KLHDC4: variants seen among roughly 807,000 people sequenced by gnomAD.
KLHDC4 encodes kelch domain-containing protein 4.
KLHDC4 carries 90 observed loss-of-function variants against 62.4 expected under a neutral mutation model. The observed-to-expected ratio is 1.44, with a 90% CI of 1.22 to 1.72. KLHDC4 has a LOEUF of 1.72. Ranked by LOEUF, KLHDC4 falls within the 40% of genes most tolerant of loss-of-function variation. The pLI is 0.00. For missense variants in KLHDC4, 1,025 were observed against 699.7 expected (o/e 1.47, Z -5.25); for synonymous variants, 386 against 284.4 (o/e 1.36, Z -3.59).
At chr16:87,714,865 G>A (rs537342040) in intron 7 of KLHDC4, among the ~76,000 whole-genome samples, 1 of 152,332 alleles carries the variant, frequency 6.6e-6, no homozygotes, top group Admixed American at 6.5e-5. Flanking sequence ...TGGTCTGTGT[G>A]GAAACCACCA....
At position 87,707,859 on chromosome 16, in the gene KLHDC4, G is replaced by A. The variant is rs892932569; in HGVS notation, c.*218C>T. The A allele has an allele frequency of 1.9e-5, 8 of 426,876 alleles. No homozygotes were observed. In the East Asian group the frequency reaches 5.0e-4, roughly 27 times the overall value. 26.4% of individuals were successfully genotyped at this position (426,876 alleles called of 1,614,324 possible). A position where few individuals can be genotyped will look rare whatever the true frequency, so the allele number is the denominator to read the frequency against. The stretch of plus-strand genomic sequence containing the variant: ...TTCACACAACACACAGGCTGCTGAG[G>A]GAATCCACCTGCACTGCACTCAGTT... On this transcript the variant is annotated 3_prime_UTR_variant, in exon 12 of 12. Coordinates refer to ENST00000270583, the MANE Select transcript of KLHDC4 (RefSeq NM_017566.4).
At chr16:87,741,742 C>T (rs1286016271) in intron 5 of KLHDC4, among the ~76,000 whole-genome samples, 1 of 152,194 alleles carries the variant, frequency 6.6e-6, no homozygotes, top group Non-Finnish European at 1.5e-5. Flanking sequence ...CAAGAAAACC[C>T]TTAAAAGCCA....
At chr16:87,700,225 T>C (rs1209483550) in exon 1 of KLHDC4, 1 of 154,526 alleles carries the variant, frequency 6.5e-6, no homozygotes, top group Non-Finnish European at 1.5e-5. Context: ...CGAAGTTTGA[T>C]CTGACTGTTC....
intron 3 of KLHDC4, 105 bp downstream of exon 3, chr16:87,756,294 G>C: frequency 2.4e-6 from 2 of 825,646 alleles, no homozygotes; most frequent in Non-Finnish European, 4.1e-6. Context: ...CGTGATACAA[G>C]GGGTGAAGGG....
At position 87,765,959 on chromosome 16, in the gene KLHDC4, G is replaced by A; in HGVS notation, c.-69C>T. The A allele has an allele frequency of 1.4e-6, 2 of 1,439,934 alleles. No homozygotes were observed. The highest frequency in any genetic ancestry group is 1.9e-6 in the Non-Finnish European group (2 of 1,052,540). 89.2% of individuals were successfully genotyped at this position (1,439,934 alleles called of 1,614,324 possible). On this transcript the variant is annotated 5_prime_UTR_variant, in exon 1 of 12. Coordinates refer to ENST00000270583, the MANE Select transcript of KLHDC4 (RefSeq NM_017566.4). The stretch of plus-strand genomic sequence containing the variant: ...GGCCCGCGCTCTCCGCTCGGAAACA[G>A]GTGCTCGTGGGGCGGAGCTCGGCGC...
chr16:87,765,587 G>A (rs1023273527), intron 1 of KLHDC4, among the ~76,000 whole-genome samples: 38 of 152,158 alleles, frequency 2.5e-4, no homozygotes, highest in South Asian at 4.1e-4. Flanking sequence ...CCGAGAAGCG[G>A]ACAGACACAC....
chr16:87,712,550 C>T (rs1452258656), intron 8 of KLHDC4, among the ~76,000 whole-genome samples: 1 of 152,236 alleles, frequency 6.6e-6, no homozygotes, highest in Non-Finnish European at 1.5e-5. Flanking sequence ...CTCAGGGCCG[C>T]CCTGCGGGAA....
chr16:87,708,264 T>C, intron 11 of KLHDC4, 86 bp downstream of exon 11: 1 of 948,884 alleles, frequency 1.1e-6, no homozygotes, highest in Non-Finnish European at 1.6e-6. Context: ...TTTACAAAGC[T>C]GAATTCCAAT....
At chr16:87,720,679 G>A (rs564564386) in intron 7 of KLHDC4, among the ~76,000 whole-genome samples, 3 of 152,336 alleles carry the variant, frequency 2.0e-5, no homozygotes, top group Admixed American at 6.5e-5. Context: ...GAAGCCGCGC[G>A]CCCCCTCCAG....
chr16:87,721,596 G>C (rs541469613), intron 7 of KLHDC4, among the ~76,000 whole-genome samples: 2 of 152,102 alleles, frequency 1.3e-5, no homozygotes, highest in Non-Finnish European at 2.9e-5. Flanking sequence ...AGGTGAGCAC[G>C]GAGCTCTGGC....
In KLHDC4 at chr16:87,752,674, C is replaced by A. The variant is rs143489232; in HGVS notation, c.369+2520G>T. 7.9e-5 allele frequency among the ~76,000 whole-genome samples: 12 copies of A among 152,250 alleles called. No homozygotes were observed. The East Asian group carries it at 1.9e-3, about 25-fold the overall frequency. Reference sequence around the variant, plus strand: ...AACATCCTTTCCTCCATCTTAGTTACAATCCCAGGCTTGACCCAGTCCGAC... The same window carrying A: ...AACATCCTTTCCTCCATCTTAGTTAAAATCCCAGGCTTGACCCAGTCCGAC... On this transcript the variant is annotated intron_variant, in intron 4 of 11. Transcript: ENST00000270583.
intron 5 of KLHDC4, among the ~76,000 whole-genome samples, chr16:87,733,206 T>C (rs909521242): frequency 6.6e-6 from 1 of 152,266 alleles, no homozygotes; most frequent in African/African-American, 2.4e-5. Flanking sequence ...ACCCAGCTTC[T>C]ACATGGGTGG....
chr16:87,718,705 G>A (rs62055573), intron 7 of KLHDC4, among the ~76,000 whole-genome samples: 10,096 of 150,308 alleles, frequency 0.067, 481 homozygotes, highest in Non-Finnish European at 0.092. Flanking sequence ...GATGTGAGGA[G>A]CCCCTCTGCC....
intron 5 of KLHDC4, among the ~76,000 whole-genome samples, chr16:87,736,113 C>CA (rs1479271385): frequency 6.6e-6 from 1 of 152,192 alleles, no homozygotes; most frequent in African/African-American, 2.4e-5. Context: ...GCGACCTTGT[C>CA]ATTGTGCTGT....
chr16:87,708,475 G>A lies in KLHDC4; in HGVS notation c.1448-9C>T. On this transcript the variant is annotated splice_polypyrimidine_tract_variant and intron_variant, in intron 10 of 11. Transcript: ENST00000270583. ...CAGCCACTCCTGAGTTTCTTCAAAA[G>A]CAGAATGAACGCACATACACGTCAG... 6.3e-7 allele frequency: 1 copy of A among 1,594,368 alleles called. No homozygotes were observed. The highest frequency in any genetic ancestry group is 2.2e-5 in the East Asian group (1 of 44,516).
At chr16:87,736,776 A>G (rs911167858) in intron 5 of KLHDC4, among the ~76,000 whole-genome samples, 4 of 152,154 alleles carry the variant, frequency 2.6e-5, no homozygotes, top group African/African-American at 7.2e-5. Flanking sequence ...TTTTATGTGC[A>G]TTTATCCTCA....
At chr16:87,754,697 C>A (rs1040621398) in intron 4 of KLHDC4, among the ~76,000 whole-genome samples, 1 of 152,192 alleles carries the variant, frequency 6.6e-6, no homozygotes, top group Admixed American at 6.5e-5. Context: ...CGTCTAACTC[C>A]GGAAGCCCCT....
chr16:87,706,896 GCCA>G (rs978956692), downstream of KLHDC4, among the ~76,000 whole-genome samples: 2 of 152,190 alleles, frequency 1.3e-5, no homozygotes, highest in Non-Finnish European at 2.9e-5. Flanking sequence ...ACAGGGGCTC[GCCA>G]CCAAGTCAGC....
At chr16:87,750,271 G>A (rs1372240800) in intron 4 of KLHDC4, 1 of 152,276 alleles carries the variant, frequency 6.6e-6, no homozygotes, top group Admixed American at 6.5e-5. Context: ...TCCAGGATGA[G>A]AAAAGCACGC....
Sources: gnomAD v4.1 joint callset for allele counts (sites outside exome capture counted in the v4.1 genomes callset) on GRCh38, gnomAD v4.1.1 for gene constraint, MANE v1.5 for transcripts, NCBI Gene and HGNC (gene_info 2026-07-23, HGNC 2026-07-21) for gene names.